TMEM154: variants seen among roughly 807,000 people sequenced by gnomAD.
TMEM154 encodes transmembrane protein 154.
A neutral mutation model predicts 24.5 loss-of-function variants in TMEM154; 27 were observed. The ratio of observed to expected loss-of-function variants is 1.10; its 90% CI spans 0.81 to 1.52. TMEM154 has a LOEUF of 1.52. TMEM154 is among the 40% of genes most tolerant of loss of function. The pLI is 0.00. For missense variants in TMEM154, 228 were observed against 213.4 expected (o/e 1.07, Z -0.43); for synonymous variants, 67 against 76.8 (o/e 0.87, Z 0.67).
Position 152,679,783 on chromosome 4 carries a change from C to A in TMEM154, c.64+87G>T, listed in dbSNP as rs144278241. ...AAAGGATTAGATTTTCTGGGTGTCA[C>A]CCTCCCCGGCAGAGTTCTGTAGCCT... is the stretch of plus-strand genomic sequence containing the variant. On this transcript the variant is annotated intron_variant, in intron 1 of 6. Coordinates refer to ENST00000304385, the MANE Select transcript of TMEM154 (RefSeq NM_152680.3). 2.2e-3 allele frequency: 3,330 copies of A among 1,535,414 alleles called. 35 individuals are homozygous for A. In the African/African-American group the frequency reaches 0.028, roughly 13 times the overall value.
In TMEM154 at chr4:152,640,976, T is replaced by A. The variant is rs755692947; in HGVS notation, c.488A>T (p.Glu163Val). The A allele has an allele frequency of 6.8e-6, 11 of 1,610,766 alleles. No individual in the cohort carries two copies. In the South Asian group the frequency reaches 1.1e-4, roughly 16 times the overall value. Residue 163 changes from glutamate (E) to valine (V), a missense_variant, in exon 6 of 7, where the codon GAA becomes GTA. Glu to Val is a moderately radical substitution (Grantham distance 121). Coordinates refer to ENST00000304385, the MANE Select transcript of TMEM154 (RefSeq NM_152680.3). Reference protein sequence around the residue: ...MNSMNRNADFECLPTLKEEKE... With the variant: ...MNSMNRNADFVCLPTLKEEKE... ...CTCTTCCTTCAAGGTAGGTAAACAT[T>A]CAAAGTCGGCTAGGACAGAATAAAA... is the stretch of plus-strand genomic sequence containing the variant.
chr4:152,671,410 G>A (rs1728833733), intron 1 of TMEM154, among the ~76,000 whole-genome samples: 1 of 152,102 alleles, frequency 6.6e-6, no homozygotes, highest in South Asian at 2.1e-4. Context: ...GTGAAAATGG[G>A]TTGGAGATGA....
chr4:152,624,338 AC>A lies in TMEM154; in HGVS notation c.*4207del, dbSNP rs1393021612. 1 of 152,094 alleles carries A rather than the reference AC, an allele frequency of 6.6e-6. No homozygotes were observed. The highest frequency in any genetic ancestry group is 6.5e-5 in the Admixed American group (1 of 15,268). The allele number at this position is 152,094 out of a possible 1,614,324, so 9.4% of individuals were successfully genotyped here. Reference sequence around the variant, plus strand: ...ATTCCAGCCAGTTATGGTGGCTCACACCTGTAATCCCAGGACTTTTGGAGGC... The same window carrying A: ...ATTCCAGCCAGTTATGGTGGCTCACACTGTAATCCCAGGACTTTTGGAGGC... On this transcript the variant is annotated 3_prime_UTR_variant, in exon 7 of 7. Coordinates refer to ENST00000304385, the MANE Select transcript of TMEM154 (RefSeq NM_152680.3).
rs1405008043 is a variant in TMEM154, at chr4:152,628,579, A to AAC, written c.537-19_537-18insGT. On this transcript the variant is annotated intron_variant, in intron 6 of 6. Coordinates refer to ENST00000304385, the MANE Select transcript of TMEM154 (RefSeq NM_152680.3). ...CACTGTCACTGTAAAAAAAAAAAAA[A>AAC]AAAAAAAAAAAAACAAAAAAAACAC... The AAC allele has an allele frequency of 1.7e-5, 20 of 1,154,546 alleles. No homozygotes were observed. The African/African-American group carries it at 3.4e-4, about 20-fold the overall frequency. 71.5% of individuals were successfully genotyped at this position (1,154,546 alleles called of 1,614,324 possible).
intron 5 of TMEM154, among the ~76,000 whole-genome samples, chr4:152,641,900 A>ATTTTTTTTTTTTTT (rs1187613841): frequency 1.5e-5 from 1 of 65,654 alleles, no homozygotes. Flanking sequence ...GGTAGCAATA[A>ATTTTTTTTTTTTTT]TTCTTTTTTT....
At chr4:152,643,720 G>T (rs928624922) in intron 4 of TMEM154, among the ~76,000 whole-genome samples, 1 of 152,196 alleles carries the variant, frequency 6.6e-6, no homozygotes, top group Admixed American at 6.5e-5. Context: ...ACAGTCAGGG[G>T]ACAGAGTCCG....
In TMEM154 at chr4:152,624,251, G is replaced by C. The variant is rs1030025491; in HGVS notation, c.*4295C>G. On this transcript the variant is annotated 3_prime_UTR_variant, in exon 7 of 7. Coordinates refer to ENST00000304385, the MANE Select transcript of TMEM154 (RefSeq NM_152680.3). ...GTATATACTGCTATCTCAGGAACAT[G>C]ATATGTTATTTAGAAAAGATAGTAG... 2 of 152,100 alleles carry C rather than the reference G, an allele frequency of 1.3e-5. No individual in the cohort carries two copies. Among genetic ancestry groups the C allele is most frequent in the African/African-American group, 4.8e-5 (2 of 41,408 alleles). The allele number at this position is 152,100 out of a possible 1,614,324, so 9.4% of individuals were successfully genotyped here.
In TMEM154 at chr4:152,628,600, A is replaced by ACAC. The variant is rs1554010635; in HGVS notation, c.537-40_537-39insGTG. 6.7e-4 allele frequency: 663 copies of ACAC among 989,584 alleles called. 2 individuals carry two copies. Among genetic ancestry groups the ACAC allele is most frequent in the Middle Eastern group, 1.0e-3 (3 of 2,976 alleles). The allele number at this position is 989,584 out of a possible 1,614,324, so 61.3% of individuals were successfully genotyped here. A position where few individuals can be genotyped will look rare whatever the true frequency, so the allele number is the denominator to read the frequency against. ...AAAAAAAAAAAAAAAAAACAAAAAA[A>ACAC]ACACACACACACACACAAAACAGTA... On this transcript the variant is annotated intron_variant, in intron 6 of 6. Transcript: ENST00000304385.
intron 1 of TMEM154, among the ~76,000 whole-genome samples, chr4:152,653,197 C>G (rs1303091544): frequency 6.6e-6 from 1 of 152,142 alleles, no homozygotes; most frequent in Non-Finnish European, 1.5e-5. Flanking sequence ...TACGCTTAAG[C>G]AAAGTGGATT....
rs1185544790 is a variant in TMEM154, at chr4:152,679,852, G to A, written c.64+18C>T. 4 of 1,602,836 alleles carry A rather than the reference G, an allele frequency of 2.5e-6. No individual in the cohort carries two copies. Among genetic ancestry groups the A allele is most frequent in the East Asian group, 2.2e-5 (1 of 44,480 alleles). ...TTGCGATCCTCCTTCCCAGGAGTAG[G>A]AAGTGGAGGCGGCTTACCCCGGCCG... On this transcript the variant is annotated intron_variant, in intron 1 of 6. Coordinates refer to ENST00000304385, the MANE Select transcript of TMEM154 (RefSeq NM_152680.3).
At chr4:152,642,589 C>T (rs944979137) in intron 5 of TMEM154, among the ~76,000 whole-genome samples, 4 of 152,126 alleles carry the variant, frequency 2.6e-5, no homozygotes, top group Non-Finnish European at 5.9e-5. Context: ...ATTACACTGT[C>T]CACTTAGTAG....
At chr4:152,659,602 C>T (rs552305363) in intron 1 of TMEM154, among the ~76,000 whole-genome samples, 48 of 152,120 alleles carry the variant, frequency 3.2e-4, no homozygotes, top group Non-Finnish European at 5.4e-4. Context: ...TAGATTCTAT[C>T]CATGCAACAA....
chr4:152,634,794 C>T (rs754417939), intron 6 of TMEM154, among the ~76,000 whole-genome samples: 11 of 152,172 alleles, frequency 7.2e-5, no homozygotes, highest in Non-Finnish European at 1.6e-4. Context: ...ACACTTAATA[C>T]TTGAATTACA....
At chr4:152,639,383 G>T (rs934182915) in intron 6 of TMEM154, among the ~76,000 whole-genome samples, 1 of 152,204 alleles carries the variant, frequency 6.6e-6, no homozygotes, top group East Asian at 1.9e-4. Flanking sequence ...TAGCATCATT[G>T]AGGTTGCTCA....
In TMEM154 at chr4:152,642,261, T is replaced by C. The variant is rs543602721; in HGVS notation, c.478+827A>G. On this transcript the variant is annotated intron_variant, in intron 5 of 6. Coordinates refer to ENST00000304385, the MANE Select transcript of TMEM154 (RefSeq NM_152680.3). ...ATAACCAGTCTCTGAATTTTCTAAC[T>C]CTACTGTAGAGTGTTGAATTTGACA... 3.3e-5 allele frequency among the ~76,000 whole-genome samples: 5 copies of C among 152,232 alleles called. No homozygotes were observed. The East Asian group carries it at 9.6e-4, about 29-fold the overall frequency.
chr4:152,644,357 C>T, intron 4 of TMEM154, 58 bp downstream of exon 4: 1 of 1,583,770 alleles, frequency 6.3e-7, no homozygotes, highest in South Asian at 1.1e-5. Flanking sequence ...GGCAGCTGTC[C>T]ACCTTAACAG....
In TMEM154 at chr4:152,647,721, G is replaced by A. The variant is rs147969148; in HGVS notation, c.365-3279C>T. ...GCAGCTAGTGTGTGTTGGGCTAGGC[G>A]TTGAGTTAGGTAAAGGGATGATAAT... is the stretch of plus-strand genomic sequence containing the variant. On this transcript the variant is annotated intron_variant, in intron 3 of 6. Coordinates refer to ENST00000304385, the MANE Select transcript of TMEM154 (RefSeq NM_152680.3). 4.6e-5 allele frequency among the ~76,000 whole-genome samples: 7 copies of A among 152,262 alleles called. No individual in the cohort carries two copies. The East Asian group carries it at 7.7e-4, about 17-fold the overall frequency.
chr4:152,672,090 T>TAAAAA (rs11290618), intron 1 of TMEM154, among the ~76,000 whole-genome samples: 2 of 101,956 alleles, frequency 2.0e-5, no homozygotes, highest in African/African-American at 3.5e-5. Flanking sequence ...CCTATCTCTA[T>TAAAAA]AAAAAAAAAA....
chr4:152,672,547 C>CGATCTG (rs1728862410), intron 1 of TMEM154, among the ~76,000 whole-genome samples: 1 of 152,104 alleles, frequency 6.6e-6, no homozygotes, highest in Non-Finnish European at 1.5e-5. Context: ...GGAGACAGAG[C>CGATCTG]GATCTGAAAT....
Sources: gnomAD v4.1 joint callset for allele counts (sites outside exome capture counted in the v4.1 genomes callset) on GRCh38, gnomAD v4.1.1 for gene constraint, MANE v1.5 for transcripts, NCBI Gene and HGNC (gene_info 2026-07-23, HGNC 2026-07-21) for gene names.